NOVA2: variants seen among roughly 807,000 people sequenced by gnomAD.
The protein encoded by NOVA2 is NOVA alternative splicing regulator 2.
A neutral mutation model predicts 22.5 loss-of-function variants in NOVA2; 9 were observed. That is an observed-to-expected ratio of 0.40 (90% CI 0.24 to 0.70). NOVA2 has a LOEUF of 0.70. Among genes scored for constraint, NOVA2 ranks in the 30% least tolerant of loss-of-function variants. The probability of loss-of-function intolerance (pLI) is 0.38; values close to 1 mark genes in which losing one functional copy is unlikely to be tolerated. For synonymous variants in NOVA2, 318 were observed against 335.2 expected (o/e 0.95, Z 0.56); for missense variants, 383 against 682.8 (o/e 0.56, Z 4.89).
In NOVA2 at chr19:45,938,746, A is replaced by G. The variant is rs928807648; in HGVS notation, c.*1117T>C. Reference sequence around the variant, plus strand: ...CGTGCCTTATTCTCTTCCTAGGAAGACCCCCAGGCCAACACCCACCAAAGA... The same window carrying G: ...CGTGCCTTATTCTCTTCCTAGGAAGGCCCCCAGGCCAACACCCACCAAAGA... On this transcript the variant is annotated 3_prime_UTR_variant, in exon 4 of 4. Coordinates refer to ENST00000263257, the MANE Select transcript of NOVA2 (RefSeq NM_002516.4). 1 of 151,908 alleles carries G rather than the reference A, an allele frequency of 6.6e-6. No homozygotes were observed. Among genetic ancestry groups the G allele is most frequent in the Non-Finnish European group, 1.5e-5 (1 of 67,978 alleles). The allele number at this position is 151,908 out of a possible 1,614,324, so 9.4% of individuals were successfully genotyped here.
chr19:45,945,550 C>T (rs1045028514), intron 3 of NOVA2, among the ~76,000 whole-genome samples: 28 of 151,928 alleles, frequency 1.8e-4, no homozygotes, highest in Middle Eastern at 3.4e-3. Context: ...AGTGATCCTC[C>T]GGCCTCGGCC....
intron 2 of NOVA2, among the ~76,000 whole-genome samples, chr19:45,958,695 T>C (rs958753636): frequency 6.6e-6 from 1 of 152,138 alleles, no homozygotes; most frequent in Non-Finnish European, 1.5e-5. Context: ...GCTAACCTAC[T>C]AGGCCCAGAG....
At chr19:45,962,977 A>G (rs1243950831) in intron 1 of NOVA2, among the ~76,000 whole-genome samples, 1 of 151,698 alleles carries the variant, frequency 6.6e-6, no homozygotes, top group Admixed American at 6.6e-5. Context: ...TGACCATGTG[A>G]AAAGCATTTT....
chr19:45,960,415 G>A (rs1968077175), intron 2 of NOVA2, among the ~76,000 whole-genome samples: 2 of 151,730 alleles, frequency 1.3e-5, no homozygotes, highest in South Asian at 4.2e-4. Flanking sequence ...AGGGAAAGCA[G>A]AGGACAGATG....
rs1158343269 is a variant in NOVA2, at chr19:45,937,632, G to C, written c.*2231C>G. The C allele has an allele frequency of 6.6e-6, 1 of 152,034 alleles. No individual in the cohort carries two copies. The highest frequency in any genetic ancestry group is 1.5e-5 in the Non-Finnish European group (1 of 68,030). The allele number at this position is 152,034 out of a possible 1,614,324, so 9.4% of individuals were successfully genotyped here. A position where few individuals can be genotyped will look rare whatever the true frequency, so the allele number is the denominator to read the frequency against. On this transcript the variant is annotated 3_prime_UTR_variant, in exon 4 of 4. Transcript: ENST00000263257. Reference sequence around the variant, plus strand: ...TTTTGGCACTCAGATCTCCATCTGGGTTCAGTCTGGAGATTAGGGGTGGGG... The same window carrying C: ...TTTTGGCACTCAGATCTCCATCTGGCTTCAGTCTGGAGATTAGGGGTGGGG...
intron 3 of NOVA2, among the ~76,000 whole-genome samples, chr19:45,951,255 T>A (rs1967921055): frequency 6.6e-6 from 1 of 152,040 alleles, no homozygotes; most frequent in South Asian, 2.1e-4. Flanking sequence ...GGCGGGTGGA[T>A]TGCTTGAGTC....
At chr19:45,971,503 C>G (rs1012983518) in intron 1 of NOVA2, among the ~76,000 whole-genome samples, 5 of 152,122 alleles carry the variant, frequency 3.3e-5, no homozygotes, top group African/African-American at 1.2e-4. Context: ...CCCAACTTCC[C>G]TTTCCTCCAA....
intron 3 of NOVA2, among the ~76,000 whole-genome samples, chr19:45,946,031 A>C (rs1967833114): frequency 6.8e-6 from 1 of 148,050 alleles, no homozygotes; most frequent in African/African-American, 2.5e-5. Context: ...AAGGCCAGGC[A>C]TGGTGGCTCA....
At chr19:45,963,441 A>G (rs1345966277) in intron 1 of NOVA2, among the ~76,000 whole-genome samples, 2 of 151,102 alleles carry the variant, frequency 1.3e-5, no homozygotes, top group Non-Finnish European at 2.9e-5. Flanking sequence ...CTCAGTGCAT[A>G]TTTTGTTCCT....
intron 3 of NOVA2, among the ~76,000 whole-genome samples, chr19:45,952,159 G>C (rs1426652084): frequency 6.6e-6 from 1 of 152,182 alleles, no homozygotes; most frequent in Non-Finnish European, 1.5e-5. Context: ...CCTGTTTCCT[G>C]ACTCAAAAAT....
rs1967746552 is a variant in NOVA2 at position 45,940,895 on chromosome 19, T to G, written c.447A>C (p.Gly149=). ...NSTAGLIIGK[G]GATVKAVMEQ... is the part of the protein sequence containing the mutation. ...CCATCACGGCTTTCACCGTGGCGCC[T>G]CCCTTGCCGATGATCAGGCCCGCCG... The change falls in exon 4 of 4, where the codon GGA becomes GGC. Residue 149 remains glycine, a synonymous_variant. Coordinates refer to ENST00000263257, the MANE Select transcript of NOVA2 (RefSeq NM_002516.4). 1 of 1,604,988 alleles carries G rather than the reference T, an allele frequency of 6.2e-7. No individual in the cohort carries two copies. Among genetic ancestry groups the G allele is most frequent in the African/African-American group, 1.3e-5 (1 of 74,846 alleles).
intron 3 of NOVA2, among the ~76,000 whole-genome samples, chr19:45,951,158 G>GT (rs1036547928): frequency 1.1e-4 from 16 of 152,168 alleles, no homozygotes; most frequent in African/African-American, 3.6e-4. Flanking sequence ...AGCCATACAT[G>GT]TTTTTTTGAC....
chr19:45,953,967 A>C, intron 2 of NOVA2, 21 bp from the exon 3 acceptor site: 1 of 1,612,792 alleles, frequency 6.2e-7, no homozygotes, highest in Non-Finnish European at 8.5e-7. Context: ...AGGGAGAGAG[A>C]GGGCACACTC....
intron 3 of NOVA2, among the ~76,000 whole-genome samples, chr19:45,948,307 T>C (rs941613297): frequency 6.6e-6 from 1 of 151,996 alleles, no homozygotes; most frequent in Non-Finnish European, 1.5e-5. Context: ...ACTCAAGAAA[T>C]GATTATTGTC....
At chr19:45,969,770 G>A (rs939836087) in intron 1 of NOVA2, among the ~76,000 whole-genome samples, 2 of 152,102 alleles carry the variant, frequency 1.3e-5, no homozygotes, top group Non-Finnish European at 2.9e-5. Context: ...AGGAGTCCCT[G>A]ACTAGAGTTT....
intron 1 of NOVA2, among the ~76,000 whole-genome samples, chr19:45,966,995 G>GA (rs900856547): frequency 6.6e-6 from 1 of 151,904 alleles, no homozygotes; most frequent in African/African-American, 2.4e-5. Flanking sequence ...GTTCAAAAAT[G>GA]AAAAAAAAGT....
Position 45,969,627 on chromosome 19 carries a change from G to C in NOVA2, c.85+3640C>G, listed in dbSNP as rs188224814. 6.8e-4 allele frequency among the ~76,000 whole-genome samples: 104 copies of C among 151,916 alleles called. No homozygotes were observed. The Middle Eastern group carries it at 0.021, about 30-fold the overall frequency. On this transcript the variant is annotated intron_variant, in intron 1 of 3. Transcript: ENST00000263257. Reference sequence around the variant, plus strand: ...TGTCTGTATATGGGTTTTTATTTTGGGGGGGTTGACAGAGGTGGGAATATA... The same window carrying C: ...TGTCTGTATATGGGTTTTTATTTTGCGGGGGTTGACAGAGGTGGGAATATA...
At chr19:45,954,735 T>C (rs1967977962) in intron 2 of NOVA2, among the ~76,000 whole-genome samples, 2 of 145,720 alleles carry the variant, frequency 1.4e-5, no homozygotes, top group South Asian at 2.2e-4. Flanking sequence ...CATTTCTGCA[T>C]GAGAGTGTTA....
At chr19:45,973,196 G>C (rs952424209) in intron 1 of NOVA2, 71 bp downstream of exon 1, 21 of 759,872 alleles carry the variant, frequency 2.8e-5, no homozygotes, top group Middle Eastern at 4.3e-4. Flanking sequence ...TGCCACGGGA[G>C]GGGGGGAAAG....
Sources: allele counts gnomAD v4.1 joint callset (sites outside exome capture counted in the v4.1 genomes callset), GRCh38; gene constraint gnomAD v4.1.1; transcripts MANE v1.5; gene names NCBI Gene and HGNC (gene_info 2026-07-23, HGNC 2026-07-21).